Variants in GALM observed in about 807,000 individuals in gnomAD.
The protein encoded by GALM is aldose 1-epimerase.
GALM carries 43 observed loss-of-function variants against 37.4 expected under a neutral mutation model. The observed-to-expected ratio is 1.15, with a 90% CI of 0.90 to 1.48. The LOEUF is 1.48. Among genes scored for constraint, GALM ranks in the 40% most tolerant of loss-of-function variants. The pLI is 0.00. For missense variants in GALM, 456 were observed against 419.1 expected (o/e 1.09, Z -0.77); for synonymous variants, 199 against 170.6 (o/e 1.17, Z -1.30).
intron 4 of GALM, among the ~76,000 whole-genome samples, chr2:38,705,927 C>A (rs1428104917): frequency 6.6e-6 from 1 of 151,924 alleles, no homozygotes; most frequent in Non-Finnish European, 1.5e-5. Flanking sequence ...TTCAGTGGTC[C>A]AACTTCCCGC....
chr2:38,677,533 C>A (rs1263249103), intron 2 of GALM, among the ~76,000 whole-genome samples: 1 of 152,160 alleles, frequency 6.6e-6, no homozygotes, highest in Non-Finnish European at 1.5e-5. Context: ...GGATCATGAG[C>A]AAACCCCAAC....
intron 3 of GALM, among the ~76,000 whole-genome samples, chr2:38,681,917 T>C (rs1334124566): frequency 6.6e-6 from 1 of 152,260 alleles, no homozygotes; most frequent in East Asian, 1.9e-4. Context: ...CCTGTGAGCC[T>C]GCCAGCTCCT....
At chr2:38,730,043 C>T (rs1374350231) in intron 5 of GALM, among the ~76,000 whole-genome samples, 1 of 152,194 alleles carries the variant, frequency 6.6e-6, no homozygotes, top group Non-Finnish European at 1.5e-5. Context: ...CGATCTGTGA[C>T]TTATGCCTGC....
chr2:38,688,226 T>C (rs1302015844), intron 3 of GALM, among the ~76,000 whole-genome samples: 1 of 134,696 alleles, frequency 7.4e-6, no homozygotes, highest in African/African-American at 2.8e-5. Context: ...AAAAAAAAAA[T>C]GTGTACTGGG....
intron 4 of GALM, among the ~76,000 whole-genome samples, chr2:38,727,290 C>A (rs1666506252): frequency 6.6e-6 from 1 of 152,006 alleles, no homozygotes. Flanking sequence ...CAGTGGACAC[C>A]CACACACCAG....
At chr2:38,729,335 A>G (rs990402390) in intron 4 of GALM, among the ~76,000 whole-genome samples, 1 of 151,806 alleles carries the variant, frequency 6.6e-6, no homozygotes, top group Admixed American at 6.6e-5. Flanking sequence ...CCACAGGGAC[A>G]CATCACTATG....
At position 38,706,726 on chromosome 2, in the gene GALM, C is replaced by T. The variant is rs574312897; in HGVS notation, c.634+16832C>T. 6.2e-4 allele frequency among the ~76,000 whole-genome samples: 94 copies of T among 151,688 alleles called. 1 individual carries two copies. Among genetic ancestry groups the T allele is most frequent in the African/African-American group, 2.2e-3 (90 of 41,350 alleles). ...GTGGGACTTGACTGGAGACAGAGAC[C>T]AGTTTAGATGCTGTTGTTGGAGCTG... is the stretch of plus-strand genomic sequence containing the variant. On this transcript the variant is annotated intron_variant, in intron 4 of 6. Coordinates refer to ENST00000272252, the MANE Select transcript of GALM (RefSeq NM_138801.3).
chr2:38,724,866 G>A (rs1409136471), intron 4 of GALM, among the ~76,000 whole-genome samples: 6 of 152,122 alleles, frequency 3.9e-5, no homozygotes, highest in Non-Finnish European at 5.9e-5. Flanking sequence ...TAACAGCTTC[G>A]TTTTACAGAG....
At chr2:38,727,218 GA>G (rs397868719) in intron 4 of GALM, among the ~76,000 whole-genome samples, 40,448 of 113,660 alleles carry the variant, frequency 0.36, 6,214 homozygotes, top group African/African-American at 0.45. Flanking sequence ...TCCGTCTCAA[GA>G]AAAAAAAAAA....
intron 4 of GALM, among the ~76,000 whole-genome samples, chr2:38,697,848 G>A (rs1406759409): frequency 2.6e-5 from 4 of 152,134 alleles, no homozygotes; most frequent in African/African-American, 4.8e-5. Flanking sequence ...ATGCAGAGCC[G>A]GCATTTAGAC....
At chr2:38,688,794 A>T (rs1364579288) in intron 3 of GALM, among the ~76,000 whole-genome samples, 1 of 152,228 alleles carries the variant, frequency 6.6e-6, no homozygotes, top group Non-Finnish European at 1.5e-5. Context: ...GAAAAGGTAG[A>T]GGCATCATTA....
At chr2:38,696,776 G>A (rs932102742) in intron 4 of GALM, among the ~76,000 whole-genome samples, 2 of 113,146 alleles carry the variant, frequency 1.8e-5, no homozygotes, top group African/African-American at 6.7e-5. Flanking sequence ...CTACCCCCAA[G>A]AAAGCTTTTT....
At position 38,733,801 on chromosome 2, in the gene GALM, C is replaced by T. The variant is rs1024330193; in HGVS notation, c.*236C>T. The T allele has an allele frequency of 2.0e-6, 1 of 506,226 alleles. No homozygotes were observed. 31.4% of individuals were successfully genotyped at this position (506,226 alleles called of 1,614,324 possible). A position where few individuals can be genotyped will look rare whatever the true frequency, so the allele number is the denominator to read the frequency against. On this transcript the variant is annotated 3_prime_UTR_variant, in exon 7 of 7. Transcript: ENST00000272252. ...AGTTCAGAGGGCAAGTGAACCCAAC[C>T]AACAATGTCGTCATCTAAGCCCTGA...
intron 1 of GALM, chr2:38,669,575 A>G (rs1253901279): frequency 6.6e-6 from 1 of 152,182 alleles, no homozygotes; most frequent in Admixed American, 6.5e-5. Context: ...GAGTTTTTCA[A>G]CCTTTTTTTG....
intron 4 of GALM, among the ~76,000 whole-genome samples, chr2:38,724,526 G>A (rs1187281645): frequency 1.3e-5 from 2 of 152,108 alleles, no homozygotes; most frequent in Non-Finnish European, 2.9e-5. Flanking sequence ...GGCGAATCTG[G>A]GGGACAAATT....
At chr2:38,699,578 G>T (rs144892237) in intron 4 of GALM, among the ~76,000 whole-genome samples, 2,182 of 152,194 alleles carry the variant, frequency 0.014, 46 homozygotes, top group African/African-American at 0.048. Flanking sequence ...AGCACTTTGG[G>T]AGGCCGAGGT....
At chr2:38,666,614 G>A (rs191915456) in intron 1 of GALM, among the ~76,000 whole-genome samples, 114 of 152,354 alleles carry the variant, frequency 7.5e-4, no homozygotes, top group African/African-American at 2.7e-3. Context: ...TCAGCTGATG[G>A]TATGATACAC....
At chr2:38,675,538 TTTTTTTGTGTGTGTGTG>T (rs1665232062) in intron 1 of GALM, among the ~76,000 whole-genome samples, 1 of 92,478 alleles carries the variant, frequency 1.1e-5, no homozygotes, top group African/African-American at 4.9e-5. Context: ...TTTTTTTTTT[TTTTTTTGTGTGTGTGTG>T]TGTGTGTGTG....
chr2:38,670,483 G>A (rs2148423244), intron 1 of GALM, among the ~76,000 whole-genome samples: 1 of 152,334 alleles, frequency 6.6e-6, no homozygotes, highest in South Asian at 2.1e-4. Flanking sequence ...ACCCTGGTGG[G>A]AGCATTGAAA....
Sources: gnomAD v4.1 joint callset for allele counts (sites outside exome capture counted in the v4.1 genomes callset) on GRCh38, gnomAD v4.1.1 for gene constraint, MANE v1.5 for transcripts, NCBI Gene and HGNC (gene_info 2026-07-23, HGNC 2026-07-21) for gene names.